Variants in TNR observed in about 807,000 individuals in gnomAD.
TNR encodes the protein tenascin-R.
Under a neutral mutation model 150.4 loss-of-function variants are expected in TNR, and 45 were observed. The observed-to-expected ratio is 0.30, with a 90% CI of 0.24 to 0.38. TNR has a LOEUF of 0.38. TNR is among the 10% of genes least tolerant of loss of function. TNR has a pLI of 1.00. For missense variants in TNR, 1,544 were observed against 1,759.1 expected (o/e 0.88, Z 2.19); for synonymous variants, 687 against 678.4 (o/e 1.01, Z -0.20).
At chr1:175,522,650 G>GTC (rs1659686726) in intron 2 of TNR, among the ~76,000 whole-genome samples, 1 of 152,140 alleles carries the variant, frequency 6.6e-6, no homozygotes, top group African/African-American at 2.4e-5. Context: ...TGTAGTACTG[G>GTC]AGGAAAAAAA....
chr1:175,731,207 T>C (rs918956621), intron 1 of TNR, among the ~76,000 whole-genome samples: 1 of 152,140 alleles, frequency 6.6e-6, no homozygotes, highest in Non-Finnish European at 1.5e-5. Flanking sequence ...GTGATTTCAA[T>C]CACCAGCCCA....
At chr1:175,591,463 A>G (rs746047360) in intron 1 of TNR, among the ~76,000 whole-genome samples, 13 of 152,348 alleles carry the variant, frequency 8.5e-5, no homozygotes, top group Admixed American at 1.3e-4. Context: ...CTCCTTCAGC[A>G]CATGCTGCTA....
intron 1 of TNR, among the ~76,000 whole-genome samples, chr1:175,626,261 C>T (rs1664155319): frequency 6.6e-6 from 1 of 152,166 alleles, no homozygotes; most frequent in South Asian, 2.1e-4. Flanking sequence ...TCCTGTTCGT[C>T]TTCCCTCTCT....
intron 1 of TNR, among the ~76,000 whole-genome samples, chr1:175,578,522 A>T (rs1282707017): frequency 6.6e-6 from 1 of 152,190 alleles, no homozygotes; most frequent in Non-Finnish European, 1.5e-5. Context: ...ACATGGGCAT[A>T]CAGAGGGGGA....
rs1659567908 is a variant in TNR, at chr1:175,519,938, A to T, written c.-64+8331T>A. 2.6e-5 allele frequency among the ~76,000 whole-genome samples: 4 copies of T among 152,216 alleles called. No individual in the cohort carries two copies. In the South Asian group the frequency reaches 8.3e-4, roughly 31 times the overall value. Reference sequence around the variant, plus strand: ...CTTGTGTGAAGGAGCCCTGGACTCAAACTACTTGGGTTCAAATCCCTGTTC... The same window carrying T: ...CTTGTGTGAAGGAGCCCTGGACTCATACTACTTGGGTTCAAATCCCTGTTC... On this transcript the variant is annotated intron_variant, in intron 2 of 22. Transcript: ENST00000367674.
At chr1:175,420,739 C>T (rs1339806372) in intron 2 of TNR, among the ~76,000 whole-genome samples, 1 of 152,230 alleles carries the variant, frequency 6.6e-6, no homozygotes, top group East Asian at 1.9e-4. Flanking sequence ...GCGTATTGCT[C>T]CACTTTACAG....
At chr1:175,537,664 A>G (rs945848703) in intron 1 of TNR, among the ~76,000 whole-genome samples, 3 of 152,232 alleles carry the variant, frequency 2.0e-5, no homozygotes, top group African/African-American at 7.2e-5. Flanking sequence ...TTGACTTTCC[A>G]GGCATTTGAT....
At chr1:175,594,046 T>C (rs1662911496) in intron 1 of TNR, among the ~76,000 whole-genome samples, 1 of 152,232 alleles carries the variant, frequency 6.6e-6, no homozygotes, top group African/African-American at 2.4e-5. Context: ...CCTGTTACTT[T>C]AGCATCTCTT....
At chr1:175,540,320 T>C (rs1660453194) in intron 1 of TNR, among the ~76,000 whole-genome samples, 1 of 152,160 alleles carries the variant, frequency 6.6e-6, no homozygotes, top group African/African-American at 2.4e-5. Flanking sequence ...CAGAGAATCC[T>C]TCAGCTCCAG....
intron 1 of TNR, among the ~76,000 whole-genome samples, chr1:175,544,229 G>C (rs1660604126): frequency 6.6e-6 from 1 of 152,194 alleles, no homozygotes; most frequent in African/African-American, 2.4e-5. Flanking sequence ...ATGGTCTCTA[G>C]GGAAGAGTGA....
chr1:175,677,549 G>C (rs770144610), intron 1 of TNR, among the ~76,000 whole-genome samples: 1 of 152,176 alleles, frequency 6.6e-6, no homozygotes, highest in Non-Finnish European at 1.5e-5. Flanking sequence ...CGACAACATT[G>C]CAGGCCTTTC....
intron 2 of TNR, among the ~76,000 whole-genome samples, chr1:175,442,414 G>C (rs1655835275): frequency 6.7e-6 from 1 of 148,828 alleles, no homozygotes; most frequent in African/African-American, 2.6e-5. Context: ...CCTGAGGAGA[G>C]GGTGGAAGAT....
At chr1:175,405,671 T>G (rs1445824430) in intron 3 of TNR, among the ~76,000 whole-genome samples, 1 of 151,588 alleles carries the variant, frequency 6.6e-6, no homozygotes, top group African/African-American at 2.4e-5. Flanking sequence ...GTGTGCTTTT[T>G]GAGGGGGCAG....
At chr1:175,635,439 C>A (rs930624539) in intron 1 of TNR, among the ~76,000 whole-genome samples, 2 of 152,192 alleles carry the variant, frequency 1.3e-5, no homozygotes, top group African/African-American at 4.8e-5. Flanking sequence ...TTCCAATATT[C>A]GGCAAGAGTG....
Position 175,354,476 on chromosome 1 carries a change from C to G in TNR, c.3297G>C (p.Leu1099=). 6.2e-7 allele frequency: 1 copy of G among 1,614,134 alleles called. No homozygotes were observed. The change falls in exon 18 of 23, where the codon CTG becomes CTC. Residue 1099 remains leucine (L), a synonymous_variant. Transcript: ENST00000367674. The part of the protein sequence containing the change: ...AEDTWIRLEG[L]LENTDYTVLL... The stretch of plus-strand genomic sequence containing the variant: ...GCACCGTGTAGTCTGTGTTCTCCAA[C>G]AGGCCCTCCAGTCGAATCCAGGTGT...
At chr1:175,676,110 A>G (rs1240630721) in intron 1 of TNR, among the ~76,000 whole-genome samples, 1 of 152,152 alleles carries the variant, frequency 6.6e-6, no homozygotes, top group Non-Finnish European at 1.5e-5. Flanking sequence ...TTACAAATGT[A>G]CAGCTTTCAT....
intron 2 of TNR, among the ~76,000 whole-genome samples, chr1:175,500,739 A>G (rs1317719995): frequency 1.3e-5 from 2 of 152,216 alleles, no homozygotes; most frequent in Non-Finnish European, 1.5e-5. Context: ...CATTAAGACC[A>G]TGTCACAGAA....
At chr1:175,662,607 G>T (rs1170991766) in intron 1 of TNR, among the ~76,000 whole-genome samples, 1 of 152,216 alleles carries the variant, frequency 6.6e-6, no homozygotes, top group African/African-American at 2.4e-5. Context: ...AACCTGTGAG[G>T]CAGGCAGGGA....
chr1:175,368,864 G>A (rs1261375702), intron 9 of TNR, among the ~76,000 whole-genome samples: 1 of 152,216 alleles, frequency 6.6e-6, no homozygotes, highest in East Asian at 1.9e-4. Context: ...CAGGAGAATC[G>A]CTTGAACCTG....
Sources: allele counts gnomAD v4.1 joint callset (sites outside exome capture counted in the v4.1 genomes callset), GRCh38; gene constraint gnomAD v4.1.1; transcripts MANE v1.5; gene names NCBI Gene and HGNC (gene_info 2026-07-23, HGNC 2026-07-21).